The following GRIP2 variants were observed in gnomAD, a reference collection of about 807,000 sequenced individuals.
GRIP2 encodes glutamate receptor interacting protein 2.
GRIP2 carries 58 observed loss-of-function variants against 108.3 expected under a neutral mutation model. The ratio of observed to expected loss-of-function variants is 0.54; its 90% CI spans 0.43 to 0.67. The LOEUF is 0.67. Ranked by LOEUF, GRIP2 falls within the 30% of genes least tolerant of loss-of-function variation. The pLI, the probability that GRIP2 is intolerant of heterozygous loss-of-function variation, is 0.00. For missense variants in GRIP2, 1,278 were observed against 1,430.6 expected, an observed-to-expected ratio of 0.89 and a Z score of 1.72; for synonymous variants, 586 against 598.2, an observed-to-expected ratio of 0.98 and a Z score of 0.30.
At chr3:14,530,566 A>G (rs1694683739) in intron 1 of GRIP2, among the ~76,000 whole-genome samples, 1 of 152,222 alleles carries the variant, frequency 6.6e-6, no homozygotes, top group African/African-American at 2.4e-5. Context: ...TGTATGAGAA[A>G]AAGTCTTATA....
chr3:14,567,033 A>C, the GRIP2 span, among the ~76,000 whole-genome samples: 6 of 151,972 alleles, frequency 3.9e-5, no homozygotes, highest in South Asian at 1.3e-3. Context: ...TGAATGAATG[A>C]ATGAATGAAT....
Position 14,489,693 on chromosome 3 carries a change from A to G in GRIP2, c.*3972T>C, listed in dbSNP as rs1156489595. On this transcript the variant is annotated 3_prime_UTR_variant, in exon 24 of 24. Coordinates refer to ENST00000621039, the MANE Select transcript of GRIP2 (RefSeq NM_001080423.4). ...CCATCTGGAATAAACCATTGTCCCCATCAAGGCCACCAGGATGATTGGAGG... is the reference window on the plus strand; with the variant it reads ...CCATCTGGAATAAACCATTGTCCCCGTCAAGGCCACCAGGATGATTGGAGG... 1 of 152,398 alleles carries G rather than the reference A, an allele frequency of 6.6e-6. No homozygotes were observed. Among genetic ancestry groups the G allele is most frequent in the Non-Finnish European group, 1.5e-5 (1 of 68,200 alleles). The allele number at this position is 152,398 out of a possible 1,614,324, so 9.4% of individuals were successfully genotyped here.
intron 1 of GRIP2, among the ~76,000 whole-genome samples, chr3:14,554,575 G>A (rs752842388): frequency 6.8e-4 from 103 of 152,230 alleles, no homozygotes; most frequent in Non-Finnish European, 1.1e-3. Context: ...GGCTTCCAGG[G>A]ACCTCTAGGA....
chr3:14,490,818 G>A lies in GRIP2; in HGVS notation c.*2847C>T, dbSNP rs1233772494. 6 of 152,234 alleles carry A rather than the reference G, an allele frequency of 3.9e-5. No individual in the cohort carries two copies. Among genetic ancestry groups the A allele is most frequent in the Admixed American group, 3.9e-4 (6 of 15,276 alleles). 9.4% of individuals were successfully genotyped at this position (152,234 alleles called of 1,614,324 possible). A position where few individuals can be genotyped will look rare whatever the true frequency, so the allele number is the denominator to read the frequency against. On this transcript the variant is annotated 3_prime_UTR_variant, in exon 24 of 24. Transcript: ENST00000621039. Reference sequence around the variant, plus strand: ...CCATGGAGGCTGGCTCCTGTCTTCAGGTCTCATTGCAAATGTCGCCTCTTG... The same window carrying A: ...CCATGGAGGCTGGCTCCTGTCTTCAAGTCTCATTGCAAATGTCGCCTCTTG...
At chr3:14,527,440 G>A (rs1028365470) in intron 1 of GRIP2, among the ~76,000 whole-genome samples, 25 of 140,940 alleles carry the variant, frequency 1.8e-4, no homozygotes, top group African/African-American at 6.3e-4. Flanking sequence ...GGAGGGGAGG[G>A]AAGAGGGAGG....
At chr3:14,525,669 C>A (rs1694535068) in intron 2 of GRIP2, 97 bp from the exon 3 acceptor site, 1 of 1,458,172 alleles carries the variant, frequency 6.9e-7, no homozygotes, top group African/African-American at 1.4e-5. Context: ...GTTGGTAGGG[C>A]ACTCTGCTGC....
chr3:14,581,245 A>G, the GRIP2 span, among the ~76,000 whole-genome samples: 4 of 152,218 alleles, frequency 2.6e-5, no homozygotes, highest in African/African-American at 9.6e-5. Flanking sequence ...TGAGGCTCCC[A>G]CAGTGGACAT....
At chr3:14,531,621 C>T (rs769927851) in intron 1 of GRIP2, among the ~76,000 whole-genome samples, 8 of 152,220 alleles carry the variant, frequency 5.3e-5, no homozygotes, top group Non-Finnish European at 8.8e-5. Context: ...ACCTCATTCA[C>T]TTCTCACAGT....
intron 12 of GRIP2, among the ~76,000 whole-genome samples, chr3:14,514,015 G>A (rs1694175440): frequency 6.6e-6 from 1 of 152,262 alleles, no homozygotes; most frequent in African/African-American, 2.4e-5. Context: ...TCTGTCCAAT[G>A]GGGATGATGG....
rs1246820054 is a variant in GRIP2, at chr3:14,489,579, G to C, written c.*4086C>G. On this transcript the variant is annotated 3_prime_UTR_variant, in exon 24 of 24. Coordinates refer to ENST00000621039, the MANE Select transcript of GRIP2 (RefSeq NM_001080423.4). The stretch of plus-strand genomic sequence containing the variant: ...TCGCACCCGGGCCCATGAGCTCTTG[G>C]CTCTACTGGCTCTACTGATTCTACC... The C allele has an allele frequency of 6.6e-6, 1 of 152,180 alleles. No individual in the cohort carries two copies. The highest frequency in any genetic ancestry group is 1.5e-5 in the Non-Finnish European group (1 of 68,050). The allele number at this position is 152,180 out of a possible 1,614,324, so 9.4% of individuals were successfully genotyped here. A position where few individuals can be genotyped will look rare whatever the true frequency, so the allele number is the denominator to read the frequency against.
At chr3:14,546,607 T>C (rs1329191512), upstream of GRIP2, among the ~76,000 whole-genome samples, 1 of 152,118 alleles carries the variant, frequency 6.6e-6, no homozygotes, top group African/African-American at 2.4e-5. Flanking sequence ...AGTCAGGATG[T>C]ATCTTGATGC....
upstream of GRIP2, among the ~76,000 whole-genome samples, chr3:14,556,693 G>A (rs1695241715): frequency 6.6e-6 from 1 of 152,232 alleles, no homozygotes. Context: ...CTGCTGGTTG[G>A]GTGGAGTTTT....
chr3:14,539,792 C>A (rs1694917427), intron 1 of GRIP2, among the ~76,000 whole-genome samples: 1 of 152,128 alleles, frequency 6.6e-6, no homozygotes, highest in African/African-American at 2.4e-5. Flanking sequence ...GACCCCCAAA[C>A]CAGAGTTTCT....
chr3:14,590,241 C>T, the GRIP2 span, among the ~76,000 whole-genome samples: 1 of 152,148 alleles, frequency 6.6e-6, no homozygotes. Flanking sequence ...CTCTTCTAAT[C>T]GCTGCCTGCT....
Position 14,513,690 on chromosome 3 carries a change from C to T in GRIP2, c.1614G>A (p.Val538=). 6.2e-7 allele frequency: 1 copy of T among 1,610,736 alleles called. No homozygotes were observed. Among genetic ancestry groups the T allele is most frequent in the Non-Finnish European group, 8.5e-7 (1 of 1,178,668 alleles). ...CCGCCACATCGAACTCCACCTCCAG[C>T]ACGACCTTGTGGGCCAGTGCGGCGT... ...LRDAALAHKV[V]LEVEFDVAES... Residue 538 remains valine, a synonymous_variant, in exon 13 of 24, where the codon GTG becomes GTA. Transcript: ENST00000621039.
At chr3:14,548,437 T>C (rs1695091002) in intron 1 of GRIP2, among the ~76,000 whole-genome samples, 1 of 152,066 alleles carries the variant, frequency 6.6e-6, no homozygotes, top group Admixed American at 6.5e-5. Context: ...CTCCGCACAC[T>C]GGAGTTGATG....
At chr3:14,560,465 C>A (rs12489337), upstream of GRIP2, among the ~76,000 whole-genome samples, 10,512 of 152,134 alleles carry the variant, frequency 0.069, 446 homozygotes, top group East Asian at 0.14. Flanking sequence ...GAGCCTTGAC[C>A]CAAAGCAGAC....
intron 21 of GRIP2, among the ~76,000 whole-genome samples, 152 bp from the exon 22 acceptor site, chr3:14,496,712 C>A (rs1223913626): frequency 1.3e-5 from 2 of 152,218 alleles, no homozygotes; most frequent in South Asian, 2.1e-4. Context: ...GGTCCAACAG[C>A]GGTGGAGTGG....
rs148836685 is a variant in GRIP2 at position 14,554,006 on chromosome 3, G to A, written c.55+1894C>T. On this transcript the variant is annotated intron_variant, in intron 1 of 23. Transcript: ENST00000637182. The stretch of plus-strand genomic sequence containing the variant: ...TCTATTAAGAGCTATGCTGGCCCCA[G>A]ATGTGACTGCCCTGGGGACAGTGGT... 9.1e-4 allele frequency among the ~76,000 whole-genome samples: 139 copies of A among 152,272 alleles called. 2 individuals are homozygous for A. The East Asian group carries it at 0.022, about 24-fold the overall frequency.
Sources: gnomAD v4.1 joint callset for allele counts (sites outside exome capture counted in the v4.1 genomes callset) on GRCh38, gnomAD v4.1.1 for gene constraint, MANE v1.5 for transcripts, NCBI Gene and HGNC (gene_info 2026-07-23, HGNC 2026-07-21) for gene names.